GRM5: variants seen among roughly 807,000 people sequenced by gnomAD.
The protein encoded by GRM5 is metabotropic glutamate receptor 5.
Under a neutral mutation model 83.1 loss-of-function variants are expected in GRM5, and 19 were observed. That is an observed-to-expected ratio of 0.23 (90% CI 0.16 to 0.34). The LOEUF is 0.34. GRM5 is among the 10% of genes least tolerant of loss of function. The probability of loss-of-function intolerance (pLI) is 1.00; values close to 1 mark genes in which losing one functional copy is unlikely to be tolerated. For synonymous variants in GRM5, 675 were observed against 633.6 expected (o/e 1.07, Z -0.98); for missense variants, 1,160 against 1,588.3 (o/e 0.73, Z 4.58).
At chr11:88,788,379 G>A (rs187921383) in intron 3 of GRM5, among the ~76,000 whole-genome samples, 311 of 152,140 alleles carry the variant, frequency 2.0e-3, no homozygotes, top group African/African-American at 6.9e-3. Context: ...GGAAAACAGC[G>A]GGAATAAAGT....
chr11:88,580,608 G>A (rs893533994), intron 7 of GRM5, among the ~76,000 whole-genome samples: 1 of 152,174 alleles, frequency 6.6e-6, no homozygotes, highest in African/African-American at 2.4e-5. Context: ...AATGGCAGGT[G>A]CTGTGTAGTA....
intron 3 of GRM5, among the ~76,000 whole-genome samples, chr11:88,822,817 C>T (rs1193013108): frequency 1.3e-5 from 2 of 151,810 alleles, no homozygotes; most frequent in African/African-American, 2.4e-5. Context: ...CCTTCTCTCC[C>T]TCCCCTTTTG....
At position 88,798,840 on chromosome 11, in the gene GRM5, C is replaced by CAAA. The variant is rs1163307345; in HGVS notation, c.911+51063_911+51065dup. ...AAAAAAAAAAAAACAACAACAACAA[C>CAAA]AAAAAAAAACTGCAACAGTGGAGCT... On this transcript the variant is annotated intron_variant, in intron 3 of 9. Coordinates refer to ENST00000305447, the MANE Select transcript of GRM5 (RefSeq NM_001143831.3). Among the ~76,000 whole-genome samples the CAAA allele has an allele frequency of 3.3e-4, 37 of 111,844 alleles. 2 individuals carry two copies. Among genetic ancestry groups the CAAA allele is most frequent in the African/African-American group, 9.5e-4 (28 of 29,462 alleles). 73.4% of individuals were successfully genotyped at this position (111,844 alleles called of 152,430 possible).
At chr11:88,718,269 T>C (rs144038156) in intron 3 of GRM5, among the ~76,000 whole-genome samples, 7 of 152,098 alleles carry the variant, frequency 4.6e-5, no homozygotes, top group African/African-American at 1.7e-4. Context: ...AAAGGTCATA[T>C]CATCTTAACT....
At chr11:88,763,656 G>T (rs1942572895) in intron 3 of GRM5, among the ~76,000 whole-genome samples, 1 of 151,714 alleles carries the variant, frequency 6.6e-6, no homozygotes, top group Admixed American at 6.6e-5. Context: ...TGTTATTAAA[G>T]TTATTAAAGT....
chr11:88,906,711 T>C (rs1945409289), intron 2 of GRM5, among the ~76,000 whole-genome samples: 1 of 152,220 alleles, frequency 6.6e-6, no homozygotes, highest in South Asian at 2.1e-4. Context: ...TTTTGAGTTT[T>C]AGTAAATATG....
At chr11:88,856,351 A>G (rs1565263542) in intron 2 of GRM5, among the ~76,000 whole-genome samples, 2 of 152,098 alleles carry the variant, frequency 1.3e-5, no homozygotes, top group Admixed American at 1.3e-4. Flanking sequence ...ACAAACAAAC[A>G]TATTAACCTA....
At chr11:88,987,503 C>A (rs1465827656) in intron 2 of GRM5, among the ~76,000 whole-genome samples, 1 of 151,890 alleles carries the variant, frequency 6.6e-6, no homozygotes, top group Non-Finnish European at 1.5e-5. Context: ...TGGGTGGAGC[C>A]CACCACAGCT....
intron 6 of GRM5, 25 bp from the exon 7 acceptor site, chr11:88,590,752 A>G: frequency 6.3e-7 from 1 of 1,586,474 alleles, no homozygotes; most frequent in East Asian, 2.2e-5. Flanking sequence ...TGAAATTTAG[A>G]TTTTTTTTTG....
chr11:88,734,165 T>A (rs1297995117), intron 3 of GRM5, among the ~76,000 whole-genome samples: 2 of 151,922 alleles, frequency 1.3e-5, no homozygotes, highest in Admixed American at 1.3e-4. Flanking sequence ...AAAAATTAAA[T>A]AACCTAAACA....
At chr11:88,875,082 G>T (rs1228969353) in intron 2 of GRM5, among the ~76,000 whole-genome samples, 6 of 147,922 alleles carry the variant, frequency 4.1e-5, no homozygotes, top group African/African-American at 1.2e-4. Flanking sequence ...TGAATTGACT[G>T]TTTTTTTTTT....
chr11:88,671,078 C>T (rs1940181316), intron 3 of GRM5, among the ~76,000 whole-genome samples: 1 of 151,894 alleles, frequency 6.6e-6, no homozygotes, highest in South Asian at 2.1e-4. Flanking sequence ...AAAAAACCAT[C>T]TAAATCCAAA....
chr11:88,536,299 C>G (rs911723811), intron 8 of GRM5, among the ~76,000 whole-genome samples: 4 of 151,850 alleles, frequency 2.6e-5, no homozygotes, highest in Admixed American at 2.6e-4. Flanking sequence ...AGAAAATGAA[C>G]CTCAGTGGGC....
chr11:88,542,816 C>T (rs1341120439), intron 8 of GRM5, among the ~76,000 whole-genome samples: 2 of 152,134 alleles, frequency 1.3e-5, no homozygotes, highest in African/African-American at 2.4e-5. Flanking sequence ...TGTCTGTACT[C>T]GCAGCACTTT....
At chr11:88,628,640 A>G (rs1938874073) in intron 4 of GRM5, among the ~76,000 whole-genome samples, 1 of 152,116 alleles carries the variant, frequency 6.6e-6, no homozygotes, top group South Asian at 2.1e-4. Context: ...TTTGGTGTAG[A>G]TTGGCATTTA....
intron 3 of GRM5, among the ~76,000 whole-genome samples, chr11:88,657,815 A>C (rs1377664431): frequency 1.3e-5 from 2 of 152,058 alleles, no homozygotes. Context: ...TCTTAGACTA[A>C]ATTATTTTGT....
intron 3 of GRM5, among the ~76,000 whole-genome samples, chr11:88,748,462 G>A (rs1267027991): frequency 1.3e-5 from 2 of 152,124 alleles, no homozygotes; most frequent in Non-Finnish European, 2.9e-5. Context: ...GAGTTCCCAG[G>A]GGGAGGGGTA....
chr11:88,749,160 G>C (rs1942209019), intron 3 of GRM5, among the ~76,000 whole-genome samples: 1 of 152,166 alleles, frequency 6.6e-6, no homozygotes, highest in Non-Finnish European at 1.5e-5. Flanking sequence ...TGAACTAAAG[G>C]AGCATGTTGT....
rs537191437 is a variant in GRM5 at position 88,542,907 on chromosome 11, A to G, written c.2631-17503T>C. On this transcript the variant is annotated intron_variant, in intron 8 of 9. Transcript: ENST00000305447. ...AACATGGTGAAACCCCGTCTCTACT[A>G]AAAATACAAAATTAGCTAGGTATGG... is the stretch of plus-strand genomic sequence containing the variant. Among the ~76,000 whole-genome samples, 3 of 152,270 alleles carry G rather than the reference A, an allele frequency of 2.0e-5. No individual in the cohort carries two copies. The East Asian group carries it at 5.8e-4, about 29-fold the overall frequency.
Sources: gnomAD v4.1 joint callset for allele counts (sites outside exome capture counted in the v4.1 genomes callset) on GRCh38, gnomAD v4.1.1 for gene constraint, MANE v1.5 for transcripts, NCBI Gene and HGNC (gene_info 2026-07-23, HGNC 2026-07-21) for gene names.